SLC35D2: variants seen among roughly 807,000 people sequenced by gnomAD.
SLC35D2 encodes the protein solute carrier family 35 member D2.
In SLC35D2, 43 loss-of-function variants were observed where a neutral mutation model predicts 41.8. The observed-to-expected ratio is 1.03, with a 90% CI of 0.81 to 1.33. The LOEUF (loss-of-function observed/expected upper bound fraction) is 1.33, where lower values mean the gene tolerates loss of function less well. Among genes scored for constraint, SLC35D2 ranks in the 40% most tolerant of loss-of-function variants. The probability of loss-of-function intolerance (pLI) is 0.00; values close to 1 mark genes in which losing one functional copy is unlikely to be tolerated. For missense variants in SLC35D2, 380 were observed against 408.4 expected (o/e 0.93, Z 0.60); for synonymous variants, 150 against 163.9 (o/e 0.92, Z 0.65).
intron 9 of SLC35D2, among the ~76,000 whole-genome samples, chr9:96,329,864 G>A (rs1828729281): frequency 6.6e-6 from 1 of 152,178 alleles, no homozygotes; most frequent in Non-Finnish European, 1.5e-5. Flanking sequence ...CAGAGGAACG[G>A]AACCAATAGA....
intron 8 of SLC35D2, among the ~76,000 whole-genome samples, chr9:96,340,728 T>C (rs1317674203): frequency 6.6e-6 from 1 of 150,712 alleles, no homozygotes; most frequent in Non-Finnish European, 1.5e-5. Context: ...GTTATAACTA[T>C]ACTCTATATC....
chr9:96,377,427 G>A (rs567985650), intron 1 of SLC35D2, among the ~76,000 whole-genome samples: 1 of 152,248 alleles, frequency 6.6e-6, no homozygotes, highest in East Asian at 1.9e-4. Context: ...ACCAGTCATT[G>A]TTTGCCAGCT....
intron 1 of SLC35D2, among the ~76,000 whole-genome samples, chr9:96,382,531 T>G (rs1831247327): frequency 6.7e-6 from 1 of 148,422 alleles, no homozygotes; most frequent in Admixed American, 6.7e-5. Context: ...TGCCTTGGCC[T>G]CCCAAATGCT....
chr9:96,319,985 A>C (rs1372088318), downstream of SLC35D2, among the ~76,000 whole-genome samples: 1 of 152,210 alleles, frequency 6.6e-6, no homozygotes, highest in Non-Finnish European at 1.5e-5. Flanking sequence ...TAGTAGAGAC[A>C]AGATTAGTTA....
rs770037524 is a variant in SLC35D2, at chr9:96,322,040, T to C, written c.872A>G (p.Asp291Gly). The change falls in exon 11 of 12, where the codon GAC (aspartate) becomes GGC (glycine). Residue 291 changes from aspartate (D) to glycine (G), a missense_variant. Physicochemically the swap from Asp to Gly is moderately conservative, Grantham distance 94. Coordinates refer to ENST00000253270, the MANE Select transcript of SLC35D2 (RefSeq NM_007001.3). ...VAYIGILIGG[D>G]YIFSLLNFVG... is the part of the protein sequence containing the mutation. ...AAAGTTTAACAAAGAGAAAATGTAG[T>C]CTCCACCGATTAATATCCCAATGTA... 1 of 1,607,846 alleles carries C rather than the reference T, an allele frequency of 6.2e-7. No homozygotes were observed. Among genetic ancestry groups the C allele is most frequent in the East Asian group, 2.2e-5 (1 of 44,840 alleles).
chr9:96,315,239 C>G (rs2130813789), intron 11 of SLC35D2, among the ~76,000 whole-genome samples: 1 of 152,256 alleles, frequency 6.6e-6, no homozygotes, highest in Non-Finnish European at 1.5e-5. Context: ...CCCACCTCAG[C>G]CTCCTAAGTA....
intron 2 of SLC35D2, among the ~76,000 whole-genome samples, chr9:96,367,501 A>C (rs917549016): frequency 2.0e-5 from 3 of 152,026 alleles, no homozygotes; most frequent in African/African-American, 7.2e-5. Flanking sequence ...TTGAAAGCTT[A>C]CCCAAGCTCA....
chr9:96,373,375 G>A (rs1830791658), intron 1 of SLC35D2, among the ~76,000 whole-genome samples: 1 of 151,996 alleles, frequency 6.6e-6, no homozygotes, highest in Admixed American at 6.6e-5. Context: ...CCCCTGATAT[G>A]TCCTTTTTTT....
At chr9:96,331,060 G>T (rs191793681) in intron 9 of SLC35D2, among the ~76,000 whole-genome samples, 1 of 152,244 alleles carries the variant, frequency 6.6e-6, no homozygotes, top group Admixed American at 6.5e-5. Flanking sequence ...ACCACGCCCC[G>T]CTGATTTTTG....
intron 1 of SLC35D2, among the ~76,000 whole-genome samples, chr9:96,375,885 G>T (rs1687570213): frequency 6.6e-6 from 1 of 152,134 alleles, no homozygotes; most frequent in Non-Finnish European, 1.5e-5. Flanking sequence ...GGGGAGTCAG[G>T]CGCAGTGGCT....
intron 8 of SLC35D2, among the ~76,000 whole-genome samples, chr9:96,343,590 AG>A (rs1263476116): frequency 6.6e-6 from 1 of 152,200 alleles, no homozygotes; most frequent in Non-Finnish European, 1.5e-5. Flanking sequence ...ATCCCCTTCT[AG>A]GGTAAGTAGC....
At chr9:96,326,583 C>G (rs1828537921) in intron 9 of SLC35D2, among the ~76,000 whole-genome samples, 1 of 151,954 alleles carries the variant, frequency 6.6e-6, no homozygotes, top group Admixed American at 6.6e-5. Flanking sequence ...GCAGGCAGAT[C>G]ACAAGGTCAG....
chr9:96,356,117 A>C (rs939657751), intron 4 of SLC35D2, among the ~76,000 whole-genome samples: 3 of 152,158 alleles, frequency 2.0e-5, no homozygotes, highest in African/African-American at 7.2e-5. Context: ...GTTGATTGTT[A>C]AAGGAGCCTG....
Position 96,321,006 on chromosome 9 carries a change from A to C in SLC35D2, c.*236T>G. 1 of 417,000 alleles carries C rather than the reference A, an allele frequency of 2.4e-6. No individual in the cohort carries two copies. The highest frequency in any genetic ancestry group is 3.2e-5 in the South Asian group (1 of 31,282). 25.8% of individuals were successfully genotyped at this position (417,000 alleles called of 1,614,324 possible). ...GCTGGGGCTCCACCTACCGAGTCCC[A>C]GTGGCTTATTTTGAAAAGATTTGCT... On this transcript the variant is annotated 3_prime_UTR_variant, in exon 12 of 12. Coordinates refer to ENST00000253270, the MANE Select transcript of SLC35D2 (RefSeq NM_007001.3).
downstream of SLC35D2, among the ~76,000 whole-genome samples, chr9:96,318,600 T>C (rs1238296200): frequency 6.6e-6 from 1 of 151,886 alleles, no homozygotes; most frequent in Non-Finnish European, 1.5e-5. Context: ...AGAAGATAAA[T>C]AAATGGCCAA....
chr9:96,372,390 T>G (rs898711781), intron 1 of SLC35D2, among the ~76,000 whole-genome samples: 1 of 151,904 alleles, frequency 6.6e-6, no homozygotes, highest in African/African-American at 2.4e-5. Flanking sequence ...AAGACAAAAC[T>G]GTATGTATTG....
chr9:96,369,880 G>C (rs1830611268), intron 1 of SLC35D2, among the ~76,000 whole-genome samples: 1 of 152,154 alleles, frequency 6.6e-6, no homozygotes, highest in Non-Finnish European at 1.5e-5. Context: ...AAACACACCT[G>C]TCTCAGACAG....
chr9:96,332,205 G>C (rs1473257541), intron 9 of SLC35D2, among the ~76,000 whole-genome samples: 1 of 152,220 alleles, frequency 6.6e-6, no homozygotes, highest in Non-Finnish European at 1.5e-5. Flanking sequence ...AAGCAGGTAA[G>C]AGGCTGAGTG....
intron 9 of SLC35D2, among the ~76,000 whole-genome samples, chr9:96,326,862 C>T (rs1828558872): frequency 6.6e-6 from 1 of 150,900 alleles, no homozygotes; most frequent in African/African-American, 2.4e-5. Context: ...TTTAATAAAT[C>T]TAACATTAAT....
Sources: gnomAD v4.1 joint callset for allele counts (sites outside exome capture counted in the v4.1 genomes callset) on GRCh38, gnomAD v4.1.1 for gene constraint, MANE v1.5 for transcripts, NCBI Gene and HGNC (gene_info 2026-07-23, HGNC 2026-07-21) for gene names.